The following PTPRD variants were observed in gnomAD, a reference collection of about 807,000 sequenced individuals.
The protein encoded by PTPRD is protein tyrosine phosphatase receptor type D.
Under a neutral mutation model 214.5 loss-of-function variants are expected in PTPRD, and 34 were observed. The observed-to-expected ratio is 0.16, with a 90% CI of 0.12 to 0.21. The LOEUF is 0.21. Ranked by LOEUF, PTPRD falls within the 10% of genes least tolerant of loss-of-function variation. PTPRD has a pLI of 1.00. For synonymous variants in PTPRD, 1,128 were observed against 845.7 expected, an observed-to-expected ratio of 1.33 and a Z score of -5.79; for missense variants, 2,545 against 2,398.7, an observed-to-expected ratio of 1.06 and a Z score of -1.27.
At chr9:8,491,683 A>G (rs2097153954) in intron 27 of PTPRD, among the ~76,000 whole-genome samples, 1 of 148,320 alleles carries the variant, frequency 6.7e-6, no homozygotes, top group South Asian at 2.1e-4. Flanking sequence ...AAAAAAGCCC[A>G]GAAGACTCAG....
chr9:9,602,290 G>A (rs866231878), intron 7 of PTPRD, among the ~76,000 whole-genome samples: 24 of 152,012 alleles, frequency 1.6e-4, no homozygotes, highest in Middle Eastern at 3.4e-3. Context: ...GGCATTTTAG[G>A]CCTTTTCAAT....
At chr9:9,502,530 C>G (rs1054298146) in intron 8 of PTPRD, among the ~76,000 whole-genome samples, 1 of 151,888 alleles carries the variant, frequency 6.6e-6, no homozygotes, top group Non-Finnish European at 1.5e-5. Context: ...TGGACTAATA[C>G]TTTCTTATGA....
At chr9:9,483,764 A>C (rs1295096584) in intron 8 of PTPRD, among the ~76,000 whole-genome samples, 2 of 151,950 alleles carry the variant, frequency 1.3e-5, no homozygotes, top group Non-Finnish European at 2.9e-5. Context: ...AAAACAAAGA[A>C]AGTAATGTCT....
chr9:8,463,741 G>A (rs1049109773), intron 32 of PTPRD, among the ~76,000 whole-genome samples: 1 of 151,940 alleles, frequency 6.6e-6, no homozygotes. Flanking sequence ...TTCTTAATAT[G>A]AGACAAAGGA....
chr9:9,828,483 A>G (rs1309922415), intron 5 of PTPRD, among the ~76,000 whole-genome samples: 1 of 152,050 alleles, frequency 6.6e-6, no homozygotes, highest in Non-Finnish European at 1.5e-5. Context: ...GGGGAACATC[A>G]CACACCGGGG....
At chr9:9,507,338 G>T in intron 8 of PTPRD, among the ~76,000 whole-genome samples, 1 of 151,178 alleles carries the variant, frequency 6.6e-6, no homozygotes, top group South Asian at 2.1e-4. Context: ...CTGGGTAATA[G>T]GATAAATAGT....
rs1322480004 is a variant in PTPRD, at chr9:9,950,520, C to T, written c.-471-11910G>A. 3.3e-5 allele frequency among the ~76,000 whole-genome samples: 3 copies of T among 90,456 alleles called. 1 individual carries two copies. The highest frequency in any genetic ancestry group is 2.6e-4 in the African/African-American group (3 of 11,336). The allele number at this position is 90,456 out of a possible 152,430, so 59.3% of individuals were successfully genotyped here. A position where few individuals can be genotyped will look rare whatever the true frequency, so the allele number is the denominator to read the frequency against. On this transcript the variant is annotated intron_variant, in intron 4 of 45. Coordinates refer to ENST00000381196, the MANE Select transcript of PTPRD (RefSeq NM_002839.4). ...CGGGCGGATCACGAGGTCAGGAGAT[C>T]GAGACCATCCTGGCTAACACGGTGA...
At chr9:9,277,033 A>G (rs1162552537) in intron 9 of PTPRD, among the ~76,000 whole-genome samples, 2 of 151,256 alleles carry the variant, frequency 1.3e-5, no homozygotes, top group South Asian at 2.1e-4. Context: ...TTTCGCCACT[A>G]CTGTATCTAG....
chr9:9,736,840 T>C (rs1157250261), intron 6 of PTPRD, among the ~76,000 whole-genome samples: 1 of 152,080 alleles, frequency 6.6e-6, no homozygotes, highest in Non-Finnish European at 1.5e-5. Flanking sequence ...GCGAGTCCTT[T>C]GTTGGTTATA....
At chr9:10,126,135 A>T (rs2098817312) in intron 3 of PTPRD, among the ~76,000 whole-genome samples, 2 of 152,146 alleles carry the variant, frequency 1.3e-5, no homozygotes, top group African/African-American at 4.8e-5. Context: ...CAATCCAACA[A>T]TTCAAGAATT....
At chr9:9,252,673 G>T (rs1024432425) in intron 9 of PTPRD, among the ~76,000 whole-genome samples, 1 of 151,918 alleles carries the variant, frequency 6.6e-6, no homozygotes, top group Non-Finnish European at 1.5e-5. Flanking sequence ...TAGAGTTGTG[G>T]TCTTTCTATG....
At chr9:9,949,851 T>C (rs529045321) in intron 4 of PTPRD, among the ~76,000 whole-genome samples, 33 of 152,118 alleles carry the variant, frequency 2.2e-4, no homozygotes, top group Non-Finnish European at 3.5e-4. Context: ...ATAAAGGAAA[T>C]TGAATCTTTG....
intron 10 of PTPRD, among the ~76,000 whole-genome samples, chr9:9,022,159 T>C: frequency 7.1e-6 from 1 of 139,904 alleles, no homozygotes; most frequent in South Asian, 2.2e-4. Context: ...AAATAAAAGA[T>C]GTAAAAAAAA....
intron 3 of PTPRD, among the ~76,000 whole-genome samples, chr9:10,075,242 C>T (rs2098114564): frequency 6.6e-6 from 1 of 151,924 alleles, no homozygotes; most frequent in Admixed American, 6.6e-5. Context: ...AATGAGACCC[C>T]CCGAAGGTGC....
In PTPRD at chr9:8,317,696, G is replaced by A. The variant is rs1822908731; in HGVS notation, c.*178C>T. 2 of 510,256 alleles carry A rather than the reference G, an allele frequency of 3.9e-6. No homozygotes were observed. The highest frequency in any genetic ancestry group is 5.2e-4 in the Middle Eastern group (1 of 1,940). The allele number at this position is 510,256 out of a possible 1,614,324, so 31.6% of individuals were successfully genotyped here. A position where few individuals can be genotyped will look rare whatever the true frequency, so the allele number is the denominator to read the frequency against. On this transcript the variant is annotated 3_prime_UTR_variant, in exon 46 of 46. Transcript: ENST00000381196. Reference sequence around the variant, plus strand: ...ATTTTTCAGGTTAGATTATTAAACTGTGAATTCTTGGTCCACCTGGAATAA... The same window carrying A: ...ATTTTTCAGGTTAGATTATTAAACTATGAATTCTTGGTCCACCTGGAATAA...
chr9:9,008,417 C>A (rs545240990), intron 11 of PTPRD, among the ~76,000 whole-genome samples: 1 of 151,498 alleles, frequency 6.6e-6, no homozygotes, highest in Non-Finnish European at 1.5e-5. Context: ...TTATTAGAGA[C>A]GGGGTTTCAC....
intron 5 of PTPRD, among the ~76,000 whole-genome samples, chr9:9,890,377 T>C (rs888171899): frequency 4.0e-5 from 6 of 151,846 alleles, no homozygotes; most frequent in African/African-American, 1.5e-4. Context: ...TTTGAATTTT[T>C]TATAGAGATG....
chr9:9,193,767 T>C lies in PTPRD; in HGVS notation c.-202-10404A>G, dbSNP rs151191156. Among the ~76,000 whole-genome samples the C allele has an allele frequency of 1.7e-3, 255 of 152,232 alleles. 2 individuals are homozygous for C. The highest frequency in any genetic ancestry group is 5.8e-3 in the African/African-American group (243 of 41,558). On this transcript the variant is annotated intron_variant, in intron 9 of 45. Coordinates refer to ENST00000381196, the MANE Select transcript of PTPRD (RefSeq NM_002839.4). ...ACAGAAGCTGCCCTGGGTGAGTCTG[T>C]GAGCGAGTGATGAGTGAATGTGAAG...
chr9:8,757,335 TGAATGA>T (rs996817063), intron 11 of PTPRD, among the ~76,000 whole-genome samples: 1 of 152,170 alleles, frequency 6.6e-6, no homozygotes, highest in African/African-American at 2.4e-5. Context: ...ATACATGGTT[TGAATGA>T]GAATATGTAG....
Sources: allele counts gnomAD v4.1 joint callset (sites outside exome capture counted in the v4.1 genomes callset), GRCh38; gene constraint gnomAD v4.1.1; transcripts MANE v1.5; gene names NCBI Gene and HGNC (gene_info 2026-07-23, HGNC 2026-07-21).